The following PLCB2 variants were observed in gnomAD, a reference collection of about 807,000 sequenced individuals.
PLCB2 encodes the protein phospholipase C beta 2, also known as 1-phosphatidylinositol 4,5-bisphosphate phosphodiesterase beta-2.
In PLCB2, 115 loss-of-function variants were observed where a neutral mutation model predicts 141.7. The ratio of observed to expected loss-of-function variants is 0.81; its 90% CI spans 0.70 to 0.95. The LOEUF is 0.95. Ranked by LOEUF, PLCB2 falls within the 40% of genes least tolerant of loss-of-function variation. PLCB2 has a pLI of 0.00. For missense variants in PLCB2, 1,403 were observed against 1,541.1 expected (o/e 0.91, Z 1.50); for synonymous variants, 603 against 595.6 (o/e 1.01, Z -0.18).
Position 40,297,373 on chromosome 15 carries a change from C to T in PLCB2, c.1323+148G>A. On this transcript the variant is annotated intron_variant, in intron 13 of 31. Transcript: ENST00000260402. This position sits in a 1 kb window ranked among gnomAD's most constrained non-coding sequence, Gnocchi z 4.2. Reference sequence around the variant, plus strand: ...CCCTGAAGCCCAGCCCAGTGCCTGACACACGGAAGGTGACAGGATCCCAGA... The same window carrying T: ...CCCTGAAGCCCAGCCCAGTGCCTGATACACGGAAGGTGACAGGATCCCAGA... The T allele has an allele frequency of 1.4e-6, 1 of 697,458 alleles. No homozygotes were observed. The highest frequency in any genetic ancestry group is 2.6e-6 in the Non-Finnish European group (1 of 381,718). 43.2% of individuals were successfully genotyped at this position (697,458 alleles called of 1,614,324 possible).
intron 8 of PLCB2, 21 bp from the exon 9 acceptor site, chr15:40,298,985 C>A (rs752534320): frequency 6.2e-7 from 1 of 1,601,178 alleles, no homozygotes; most frequent in South Asian, 1.1e-5. Flanking sequence ...GAGAGAAGAG[C>A]ACAGGTCCAT....
intron 1 of PLCB2, among the ~76,000 whole-genome samples, chr15:40,305,398 G>C (rs1004534921): frequency 2.6e-5 from 4 of 152,026 alleles, no homozygotes; most frequent in South Asian, 2.1e-4. Context: ...AGGCATAACA[G>C]ACAGAGGTCG....
chr15:40,291,437 TCAC>T lies in PLCB2; in HGVS notation c.2695_2697del (p.Val899del), dbSNP rs1208708815. 1 of 1,546,816 alleles carries T rather than the reference TCAC, an allele frequency of 6.5e-7. No individual in the cohort carries two copies. The highest frequency in any genetic ancestry group is 8.7e-7 in the Non-Finnish European group (1 of 1,151,504). On this transcript the variant is annotated inframe_deletion, in exon 26 of 32. Coordinates refer to ENST00000260402, the MANE Select transcript of PLCB2 (RefSeq NM_004573.3). ...TCCTTCTCGTGCCGCCGCTGCAGCT[TCAC>T]CACGCCCTTTAGCTCCCGGAGCTCC...
rs372976059 is a variant in PLCB2 at position 40,298,610 on chromosome 15, G to A, written c.949C>T (p.Pro317Ser). The A allele has an allele frequency of 5.1e-5, 83 of 1,614,252 alleles. No individual in the cohort carries two copies. The East Asian group carries it at 1.8e-3, about 35-fold the overall frequency. The change falls in exon 10 of 32, where the codon CCA becomes TCA. Residue 317 changes from proline to serine, a missense_variant. Physicochemically the swap from Pro to Ser is moderately conservative, Grantham distance 74. Transcript: ENST00000260402. ...KLLLHHDMTQ[P>S]LNHYFINSSH... ...GAGTTGATGAAGTAATGATTGAGTG[G>A]CTGCGTCATGTCGTGGTGGAGCAGC...
In PLCB2 at chr15:40,297,178, C is replaced by T. The variant is rs2040267308; in HGVS notation, c.1324-270G>A. ...GGACCTAACAGGCTACTCTAGGAGCCCTGTCCATCACTTCCTCCAGGAAGC... is the reference window on the plus strand; with the variant it reads ...GGACCTAACAGGCTACTCTAGGAGCTCTGTCCATCACTTCCTCCAGGAAGC... On this transcript the variant is annotated intron_variant, in intron 13 of 31. Coordinates refer to ENST00000260402, the MANE Select transcript of PLCB2 (RefSeq NM_004573.3). This position sits in a 1 kb window ranked among gnomAD's most constrained non-coding sequence, Gnocchi z 4.2. 6.6e-6 allele frequency among the ~76,000 whole-genome samples: 1 copy of T among 151,878 alleles called. No homozygotes were observed. Among genetic ancestry groups the T allele is most frequent in the South Asian group, 2.1e-4 (1 of 4,810 alleles).
rs542978817 is a variant in PLCB2 at position 40,291,670 on chromosome 15, G to A, written c.2603-20C>T. 1 of 1,612,022 alleles carries A rather than the reference G, an allele frequency of 6.2e-7. No individual in the cohort carries two copies. The highest frequency in any genetic ancestry group is 1.1e-5 in the South Asian group (1 of 90,868). Reference sequence around the variant, plus strand: ...TGGCTGCTGCAAGAGCCACGGGCTGGGCTGTCAGGTGCTCTGGGGGGCCCC... The same window carrying A: ...TGGCTGCTGCAAGAGCCACGGGCTGAGCTGTCAGGTGCTCTGGGGGGCCCC... On this transcript the variant is annotated intron_variant, in intron 24 of 31. Coordinates refer to ENST00000260402, the MANE Select transcript of PLCB2 (RefSeq NM_004573.3).
Position 40,291,052 on chromosome 15 carries a change from C to T in PLCB2, c.3002G>A (p.Cys1001Tyr). 1 of 1,593,708 alleles carries T rather than the reference C, an allele frequency of 6.3e-7. No homozygotes were observed. Among genetic ancestry groups the T allele is most frequent in the Admixed American group, 1.7e-5 (1 of 59,622 alleles). The change falls in exon 27 of 32, where the codon TGC becomes TAC. Residue 1001 changes from cysteine to tyrosine, a missense_variant. Coordinates refer to ENST00000260402, the MANE Select transcript of PLCB2 (RefSeq NM_004573.3). The stretch of plus-strand genomic sequence containing the variant: ...GTGCTGCTCCTTGCGCTTCAGAACG[C>T]ACTCGTACTGCTCCTCGCCCTGCCG... ...LLRQGEEQYE[C>Y]VLKRKEQHVA... is the part of the protein sequence containing the mutation.
chr15:40,290,439 TGA>T, intron 29 of PLCB2, 136 bp downstream of exon 29: 1 of 721,472 alleles, frequency 1.4e-6, no homozygotes, highest in Non-Finnish European at 2.5e-6. Flanking sequence ...TGATCAAAGG[TGA>T]CAGGGGGGAT....
In PLCB2 at chr15:40,290,812, G is replaced by A; in HGVS notation, c.3062C>T (p.Ala1021Val). The change falls in exon 28 of 32, where the codon GCC becomes GTC. Residue 1021 changes from alanine to valine, a missense_variant. By Grantham distance (64) the Ala-to-Val change is moderately conservative. Coordinates refer to ENST00000260402, the MANE Select transcript of PLCB2 (RefSeq NM_004573.3). Reference protein sequence around the residue: ...AEQISKMMELAREKQAAELKA... With the variant: ...AEQISKMMELVREKQAAELKA... Reference sequence around the variant, plus strand: ...CAGCTCTGCCGCCTGTTTCTCTCTGGCCAGCTCCATCATTTTGGAGATTTG... The same window carrying A: ...CAGCTCTGCCGCCTGTTTCTCTCTGACCAGCTCCATCATTTTGGAGATTTG... 1 of 1,612,448 alleles carries A rather than the reference G, an allele frequency of 6.2e-7. No homozygotes were observed. The highest frequency in any genetic ancestry group is 2.2e-5 in the East Asian group (1 of 44,700).
downstream of PLCB2, chr15:40,286,135 G>A (rs2039606074): frequency 2.9e-6 from 2 of 696,602 alleles, no homozygotes; most frequent in African/African-American, 1.9e-5. Flanking sequence ...AGAGCACAGA[G>A]GCACCAACAG....
At chr15:40,294,557 C>G in intron 18 of PLCB2, 137 bp from the exon 19 acceptor site, 1 of 851,962 alleles carries the variant, frequency 1.2e-6, no homozygotes, top group Admixed American at 2.1e-5. Context: ...CTTCTCCTGT[C>G]CCAGTCTGGT....
At position 40,291,920 on chromosome 15, in the gene PLCB2, G is replaced by C. The variant is rs138517048; in HGVS notation, c.2531C>G (p.Pro844Arg). 6.2e-7 allele frequency: 1 copy of C among 1,614,140 alleles called. No homozygotes were observed. Among genetic ancestry groups the C allele is most frequent in the African/African-American group, 1.3e-5 (1 of 75,054 alleles). The change falls in exon 24 of 32, where the codon CCC (proline) becomes CGC (arginine). Residue 844 changes from proline (P) to arginine (R), a missense_variant. Physicochemically the swap from Pro to Arg is moderately radical, Grantham distance 103 (BLOSUM62 -2). This residue lies in a region of PLCB2 where 975 missense variants were observed against 1,141.1 expected (regional missense o/e 0.85). Transcript: ENST00000260402. ...KEAMGGLPEK[P>R]FPLASPVASQ... is the part of the protein sequence containing the mutation. ...GGCAACTGGACTCGCCAGTGGGAAGGGCTTCTGTGTAGGGAGAGCAGGTCA... is the reference window on the plus strand; with the variant it reads ...GGCAACTGGACTCGCCAGTGGGAAGCGCTTCTGTGTAGGGAGAGCAGGTCA...
intron 31 of PLCB2, 135 bp from the exon 32 acceptor site, chr15:40,289,053 G>A (rs769587691): frequency 2.2e-6 from 3 of 1,345,480 alleles, no homozygotes. Flanking sequence ...GAGGCAGGGT[G>A]GGGGAGTGGT....
At chr15:40,286,850 C>T (rs2039619141), downstream of PLCB2, among the ~76,000 whole-genome samples, 2 of 152,216 alleles carry the variant, frequency 1.3e-5, no homozygotes, top group Non-Finnish European at 2.9e-5. Context: ...GAGGCCTCTC[C>T]GGGGGCAGGA....
chr15:40,292,247 A>G (rs1411595029), intron 22 of PLCB2, 89 bp from the exon 23 acceptor site: 2 of 1,483,972 alleles, frequency 1.3e-6, no homozygotes, highest in African/African-American at 2.8e-5. Context: ...AGGATGCCCC[A>G]TCTGGATCCC....
At chr15:40,292,761 G>A (rs2040004474) in intron 21 of PLCB2, among the ~76,000 whole-genome samples, 165 bp downstream of exon 21, 1 of 152,176 alleles carries the variant, frequency 6.6e-6, no homozygotes, top group Non-Finnish European at 1.5e-5. Context: ...GGTGGGCAGA[G>A]TTCCCGCCTC....
intron 7 of PLCB2, chr15:40,301,258 T>C: frequency 2.7e-6 from 1 of 365,314 alleles, no homozygotes; most frequent in Admixed American, 4.2e-5. Context: ...GAGAAAATAC[T>C]CCATGGGGTA....
intron 16 of PLCB2, 133 bp from the exon 17 acceptor site, chr15:40,295,418 G>A: frequency 1.5e-6 from 1 of 659,246 alleles, no homozygotes; most frequent in Non-Finnish European, 2.8e-6. Flanking sequence ...GAGACCTGAG[G>A]TTTAGGGACC....
rs778680488 is a variant in PLCB2 at position 40,294,811 on chromosome 15, G to A, written c.1906+125C>T. 4.3e-4 allele frequency: 523 copies of A among 1,203,948 alleles called. 1 individual carries two copies. The highest frequency in any genetic ancestry group is 5.6e-4 in the Non-Finnish European group (477 of 845,896). 74.6% of individuals were successfully genotyped at this position (1,203,948 alleles called of 1,614,324 possible). A position where few individuals can be genotyped will look rare whatever the true frequency, so the allele number is the denominator to read the frequency against. ...TACCCCCAAATTCTCACGCACCTGG[G>A]CATGCTCCCAGAGTCTACACTAACA... On this transcript the variant is annotated intron_variant, in intron 18 of 31. Coordinates refer to ENST00000260402, the MANE Select transcript of PLCB2 (RefSeq NM_004573.3).
Sources: allele counts gnomAD v4.1 joint callset (sites outside exome capture counted in the v4.1 genomes callset), GRCh38; gene constraint gnomAD v4.1.1; regional missense constraint gnomAD v4.1.1; non-coding constraint Gnocchi (gnomAD v3.1); transcripts MANE v1.5; gene names NCBI Gene and HGNC (gene_info 2026-07-23, HGNC 2026-07-21).